TRPM3: variants seen among roughly 807,000 people sequenced by gnomAD.
TRPM3 encodes long transient receptor potential channel 3.
In TRPM3, 77 loss-of-function variants were observed where a neutral mutation model predicts 181.2. That is an observed-to-expected ratio of 0.42 (90% CI 0.35 to 0.51). The LOEUF (loss-of-function observed/expected upper bound fraction) is 0.51. Among genes scored for constraint, TRPM3 ranks in the 20% least tolerant of loss-of-function variants. The pLI is 0.01. For missense variants in TRPM3, 1,759 were observed against 2,196.7 expected (o/e 0.80, Z 3.98); for synonymous variants, 745 against 796.4 (o/e 0.94, Z 1.09).
At chr9:70,609,175 A>ATTAAG (rs1210816216) in intron 19 of TRPM3, among the ~76,000 whole-genome samples, 14 of 152,326 alleles carry the variant, frequency 9.2e-5, no homozygotes, top group Admixed American at 8.5e-4. Context: ...AGAAGGGGAA[A>ATTAAG]TTAAGTTGTT....
At chr9:70,796,802 T>A (rs2087162654) in intron 6 of TRPM3, among the ~76,000 whole-genome samples, 2 of 151,792 alleles carry the variant, frequency 1.3e-5, no homozygotes, top group African/African-American at 4.8e-5. Flanking sequence ...ATGCTCTACA[T>A]GTCGTAGTTG....
chr9:71,119,732 CT>C (rs1187738999), intron 1 of TRPM3, among the ~76,000 whole-genome samples: 1 of 152,156 alleles, frequency 6.6e-6, no homozygotes, highest in Non-Finnish European at 1.5e-5. Flanking sequence ...TTCTTTGCCC[CT>C]GACTCTTGAT....
intron 1 of TRPM3, among the ~76,000 whole-genome samples, chr9:71,175,754 T>A (rs1424990882): frequency 6.6e-6 from 1 of 152,146 alleles, no homozygotes; most frequent in Non-Finnish European, 1.5e-5. Context: ...AGATTAGGCA[T>A]TAAAAAATAG....
At chr9:71,370,464 A>G (rs1056949201) in intron 1 of TRPM3, among the ~76,000 whole-genome samples, 1 of 151,068 alleles carries the variant, frequency 6.6e-6, no homozygotes, top group Admixed American at 6.6e-5. Context: ...AGAAAGTTTT[A>G]GTGGTCTGGA....
intron 9 of TRPM3, among the ~76,000 whole-genome samples, chr9:70,675,374 G>A (rs1354198706): frequency 6.6e-6 from 1 of 152,188 alleles, no homozygotes; most frequent in Admixed American, 6.5e-5. Flanking sequence ...GGGATTACAG[G>A]TGTGAGACAC....
intron 1 of TRPM3, among the ~76,000 whole-genome samples, chr9:71,428,013 C>T (rs2131590963): frequency 6.6e-6 from 1 of 152,270 alleles, no homozygotes; most frequent in East Asian, 1.9e-4. Context: ...TATAGTTTTC[C>T]TAACACTGCT....
At chr9:71,062,377 C>T (rs1043755304) in intron 1 of TRPM3, among the ~76,000 whole-genome samples, 5 of 151,926 alleles carry the variant, frequency 3.3e-5, no homozygotes, top group Admixed American at 6.6e-5. Context: ...GTCTAAATAC[C>T]CTCCTTTCTA....
At chr9:71,331,622 A>G (rs1392020761) in intron 1 of TRPM3, among the ~76,000 whole-genome samples, 4 of 150,214 alleles carry the variant, frequency 2.7e-5, no homozygotes, top group South Asian at 2.1e-4. Flanking sequence ...TAAGGAGAAG[A>G]AGGAGGAGAA....
intron 1 of TRPM3, among the ~76,000 whole-genome samples, chr9:70,906,822 G>A (rs949414859): frequency 6.6e-6 from 1 of 152,136 alleles, no homozygotes; most frequent in Non-Finnish European, 1.5e-5. Context: ...AGAATTGGTT[G>A]AACCCGGGAG....
chr9:71,311,491 G>GC lies in TRPM3; in HGVS notation c.183+135161dup, dbSNP rs1406435275. Among the ~76,000 whole-genome samples, 10 of 152,144 alleles carry GC rather than the reference G, an allele frequency of 6.6e-5. No homozygotes were observed. In the East Asian group the frequency reaches 1.9e-3, roughly 29 times the overall value. Reference sequence around the variant, plus strand: ...TAGTCAGCTGATCTTTGGCTAAGGAGCAAAGGCAATACAATGAAGCAAAGA... The same window carrying GC: ...TAGTCAGCTGATCTTTGGCTAAGGAGCCAAAGGCAATACAATGAAGCAAAGA... On this transcript the variant is annotated intron_variant, in intron 1 of 24. Coordinates refer to the TRPM3 transcript ENST00000357533.
At chr9:70,973,251 T>C (rs965105606) in intron 1 of TRPM3, among the ~76,000 whole-genome samples, 2 of 152,176 alleles carry the variant, frequency 1.3e-5, no homozygotes, top group South Asian at 4.1e-4. Context: ...CAGTCTACAT[T>C]ATCATACTGA....
At chr9:71,042,953 G>A (rs952737077) in intron 1 of TRPM3, among the ~76,000 whole-genome samples, 1 of 152,172 alleles carries the variant, frequency 6.6e-6, no homozygotes, top group East Asian at 1.9e-4. Context: ...ACTTTGAAAT[G>A]ACTTTGCTAA....
intron 1 of TRPM3, among the ~76,000 whole-genome samples, chr9:71,045,862 C>T (rs1192437415): frequency 6.6e-6 from 1 of 151,966 alleles, no homozygotes; most frequent in Admixed American, 6.6e-5. Context: ...GATTCAATAG[C>T]CAAATAATTT....
At chr9:71,016,323 A>T (rs1311122020) in intron 1 of TRPM3, among the ~76,000 whole-genome samples, 1 of 151,756 alleles carries the variant, frequency 6.6e-6, no homozygotes, top group East Asian at 1.9e-4. Flanking sequence ...GTTTGCTGGC[A>T]TTAAGTACAT....
chr9:71,090,881 G>A (rs1189609377), intron 1 of TRPM3, among the ~76,000 whole-genome samples: 1 of 152,076 alleles, frequency 6.6e-6, no homozygotes, highest in African/African-American at 2.4e-5. Context: ...CTTAAAAAAT[G>A]TTAGGTACTA....
At chr9:70,563,032 G>A (rs1022699621) in intron 22 of TRPM3, among the ~76,000 whole-genome samples, 7 of 152,176 alleles carry the variant, frequency 4.6e-5, no homozygotes, top group African/African-American at 1.7e-4. Flanking sequence ...TGGCCATGTG[G>A]TTTGCTTTGG....
intron 1 of TRPM3, among the ~76,000 whole-genome samples, chr9:71,364,259 T>C (rs1445035881): frequency 6.6e-6 from 1 of 152,106 alleles, no homozygotes; most frequent in Admixed American, 6.5e-5. Context: ...TATTCGCCAC[T>C]GTTAGGATAC....
intron 8 of TRPM3, among the ~76,000 whole-genome samples, chr9:70,681,851 C>G (rs2065531458): frequency 6.6e-6 from 1 of 152,116 alleles, no homozygotes; most frequent in Non-Finnish European, 1.5e-5. Context: ...TCGTGTTCCC[C>G]CAAAGTGCAT....
intron 1 of TRPM3, among the ~76,000 whole-genome samples, chr9:71,296,264 G>A (rs1283615358): frequency 1.3e-5 from 2 of 152,100 alleles, no homozygotes; most frequent in African/African-American, 4.8e-5. Flanking sequence ...AGATGCCTGT[G>A]AATGATATTA....
Sources: allele counts gnomAD v4.1 joint callset (sites outside exome capture counted in the v4.1 genomes callset), GRCh38; gene constraint gnomAD v4.1.1; transcripts MANE v1.5; gene names NCBI Gene and HGNC (gene_info 2026-07-23, HGNC 2026-07-21).